Variants in TRIM16 observed in about 807,000 individuals in gnomAD.
TRIM16 encodes the protein tripartite motif-containing protein 16.
A neutral mutation model predicts 50.4 loss-of-function variants in TRIM16; 33 were observed. That is an observed-to-expected ratio of 0.65 (90% CI 0.50 to 0.88). TRIM16 has a LOEUF of 0.88. TRIM16 is among the 40% of genes least tolerant of loss of function. The probability of loss-of-function intolerance (pLI) is 0.00; values close to 1 mark genes in which losing one functional copy is unlikely to be tolerated. For synonymous variants in TRIM16, 229 were observed against 270.7 expected (o/e 0.85, Z 1.51); for missense variants, 581 against 686.8 (o/e 0.85, Z 1.72).
chr17:15,636,630 CTT>C (rs869137177), intron 8 of TRIM16, among the ~76,000 whole-genome samples: 13 of 121,156 alleles, frequency 1.1e-4, no homozygotes, highest in Non-Finnish European at 1.6e-4. Flanking sequence ...AAGAATTTGG[CTT>C]TTTTTTTTTT....
chr17:15,638,889 G>C (rs1344665507), intron 8 of TRIM16, among the ~76,000 whole-genome samples: 3 of 145,424 alleles, frequency 2.1e-5, no homozygotes, highest in Non-Finnish European at 3.0e-5. Flanking sequence ...CCCTGGCTTA[G>C]GCCAGGGCTC....
At chr17:15,680,982 G>A (rs1334058791) in intron 3 of TRIM16, 29 bp from the exon 4 acceptor site, 12 of 1,425,936 alleles carry the variant, frequency 8.4e-6, no homozygotes, top group Non-Finnish European at 1.1e-5. Context: ...AAAGGAACCT[G>A]GTTTATCTTT....
At chr17:15,674,523 C>A (rs1332308541) in intron 6 of TRIM16, among the ~76,000 whole-genome samples, 1 of 152,098 alleles carries the variant, frequency 6.6e-6, no homozygotes, top group Admixed American at 6.6e-5. Flanking sequence ...TCCCCTCCCC[C>A]ACACTGCCCC....
At chr17:15,675,884 T>G (rs1317728613) in intron 6 of TRIM16, among the ~76,000 whole-genome samples, 1 of 150,348 alleles carries the variant, frequency 6.7e-6, no homozygotes, top group African/African-American at 2.4e-5. Flanking sequence ...TTGCAGATAC[T>G]TGAATGTTTG....
rs757565737 is a variant in TRIM16, at chr17:15,628,680, G to T, written c.1630C>A (p.Arg544=). 6.2e-7 allele frequency: 1 copy of T among 1,614,128 alleles called. No homozygotes were observed. The highest frequency in any genetic ancestry group is 1.3e-5 in the African/African-American group (1 of 75,024). The part of the protein sequence containing the change: ...FWLSKKENAI[R]IVDLGEEPEK... ...GGTTCCTCTCCCAGATCTACAATCC[G>T]GATGGCGTTTTCCTTCTTGGAAAGC... Residue 544 remains arginine (R), a synonymous_variant, in exon 12 of 12, where the codon CGG becomes AGG. Transcript: ENST00000649191.
At position 15,651,891 on chromosome 17, in the gene TRIM16, G is replaced by C. The variant is rs1987728840; in HGVS notation, c.-282C>G. 2 of 1,373,566 alleles carry C rather than the reference G, an allele frequency of 1.5e-6. No individual in the cohort carries two copies. The highest frequency in any genetic ancestry group is 1.5e-5 in the African/African-American group (1 of 68,480). 85.1% of individuals were successfully genotyped at this position (1,373,566 alleles called of 1,614,324 possible). Reference sequence around the variant, plus strand: ...CCAGCCCTGAAACTTCTATTCTTATGTGAATCATCTGAACCCCATAGGCTC... The same window carrying C: ...CCAGCCCTGAAACTTCTATTCTTATCTGAATCATCTGAACCCCATAGGCTC... On this transcript the variant is annotated 5_prime_UTR_variant, in exon 7 of 12. Coordinates refer to ENST00000649191, the MANE Select transcript of TRIM16 (RefSeq NM_001348119.1).
chr17:15,629,179 A>G lies in TRIM16; in HGVS notation c.1131T>C (p.Phe377=), dbSNP rs58898750. 20 of 1,611,538 alleles carry G rather than the reference A, an allele frequency of 1.2e-5. No individual in the cohort carries two copies. The highest frequency in any genetic ancestry group is 4.0e-5 in the African/African-American group (3 of 74,922). The stretch of plus-strand genomic sequence containing the variant: ...GATACTTGTGTGCTGTGTCCGGGTC[A>G]AACGTGATGTCATACGCATCTGAGG... The part of the protein sequence containing the change: ...QFLQYAYDIT[F]DPDTAHKYLR... Residue 377 remains phenylalanine (F), a synonymous_variant, in exon 12 of 12, where the codon TTT becomes TTC. Transcript: ENST00000649191.
chr17:15,635,562 C>T (rs1313303828), intron 9 of TRIM16, among the ~76,000 whole-genome samples: 1 of 132,194 alleles, frequency 7.6e-6, no homozygotes, highest in Non-Finnish European at 1.6e-5. Context: ...ACCAAGCAAA[C>T]CTCCATGCAG....
rs1989293493 is a variant in TRIM16, at chr17:15,684,289, C to A, written c.-992G>T. The A allele has an allele frequency of 6.6e-6, 1 of 152,224 alleles. No individual in the cohort carries two copies. The highest frequency in any genetic ancestry group is 1.5e-5 in the Non-Finnish European group (1 of 68,054). 9.4% of individuals were successfully genotyped at this position (152,224 alleles called of 1,614,324 possible). ...CACAGACTCGCCACGCGCGGAGATC[C>A]TCCAGAGAAAGGGGCCGGAAACGGA... On this transcript the variant is annotated 5_prime_UTR_variant, in exon 1 of 12. In the 5' UTR this introduces an upstream ATG that the reference lacks. Coordinates refer to ENST00000649191, the MANE Select transcript of TRIM16 (RefSeq NM_001348119.1).
chr17:15,638,292 GC>G (rs199649922), intron 8 of TRIM16, among the ~76,000 whole-genome samples: 2,029 of 144,710 alleles, frequency 0.014, 143 homozygotes, highest in African/African-American at 0.051. Context: ...GGTGTAGACA[GC>G]CGGGTGCGGT....
chr17:15,667,144 C>A (rs892296942), intron 6 of TRIM16, among the ~76,000 whole-genome samples: 7 of 152,168 alleles, frequency 4.6e-5, no homozygotes, highest in Non-Finnish European at 5.9e-5. Flanking sequence ...TTCACTGAGA[C>A]CCTTTCAGGG....
chr17:15,677,403 A>G (rs1988995620), intron 5 of TRIM16, 123 bp from the exon 6 acceptor site: 1 of 911,696 alleles, frequency 1.1e-6, no homozygotes, highest in Admixed American at 6.2e-5. Flanking sequence ...AAAAGCAATT[A>G]AATAATTTCT....
chr17:15,683,174 T>C lies in TRIM16; in HGVS notation c.-898-17A>G. The C allele has an allele frequency of 2.6e-6, 4 of 1,516,040 alleles. No individual in the cohort carries two copies. The highest frequency in any genetic ancestry group is 3.6e-6 in the Non-Finnish European group (4 of 1,122,372). The allele number at this position is 1,516,040 out of a possible 1,614,324, so 93.9% of individuals were successfully genotyped here. On this transcript the variant is annotated splice_polypyrimidine_tract_variant and intron_variant, in intron 1 of 11. Transcript: ENST00000649191. ...TACCAGAAACTGTGGTAAGAGGTTC[T>C]GGATTGAAGTTTTCCCCTTTTTCAT...
chr17:15,680,614 T>C (rs1334434743), intron 4 of TRIM16, among the ~76,000 whole-genome samples: 1 of 152,070 alleles, frequency 6.6e-6, no homozygotes, highest in East Asian at 1.9e-4. Context: ...TGGGCGAGGC[T>C]ACCAAGCCTC....
intron 7 of TRIM16, among the ~76,000 whole-genome samples, chr17:15,643,643 C>T (rs1987216753): frequency 6.6e-6 from 1 of 150,854 alleles, no homozygotes; most frequent in African/African-American, 2.5e-5. Flanking sequence ...CCATTGGTCA[C>T]TCATATTTGG....
chr17:15,666,048 C>A (rs1351742777), intron 6 of TRIM16, among the ~76,000 whole-genome samples: 1 of 152,130 alleles, frequency 6.6e-6, no homozygotes, highest in Non-Finnish European at 1.5e-5. Flanking sequence ...CATGTCCATA[C>A]CATCACCATT....
At chr17:15,678,784 T>G (rs1989053483) in intron 4 of TRIM16, among the ~76,000 whole-genome samples, 1 of 151,806 alleles carries the variant, frequency 6.6e-6, no homozygotes, top group Non-Finnish European at 1.5e-5. Context: ...GATATCATAA[T>G]AAAAAGTTCA....
intron 8 of TRIM16, among the ~76,000 whole-genome samples, chr17:15,637,385 G>A (rs1311418221): frequency 8.4e-6 from 1 of 118,830 alleles, no homozygotes; most frequent in Non-Finnish European, 1.8e-5. Context: ...CGCCCCGTCC[G>A]GGAGGGAGGT....
rs190081671 is a variant in TRIM16, at chr17:15,629,878, C to G, written c.1112-680G>C. Among the ~76,000 whole-genome samples the G allele has an allele frequency of 5.3e-4, 80 of 152,350 alleles. No individual in the cohort carries two copies. The East Asian group carries it at 0.012, about 24-fold the overall frequency. ...ACCCCCGACCTAAGCCACCACTCAT[C>G]TCACTCAGACTAGTTCAGCGGGTTT... is the stretch of plus-strand genomic sequence containing the variant. On this transcript the variant is annotated intron_variant, in intron 11 of 11. Transcript: ENST00000649191.
Sources: allele counts gnomAD v4.1 joint callset (sites outside exome capture counted in the v4.1 genomes callset), GRCh38; gene constraint gnomAD v4.1.1; transcripts MANE v1.5; gene names NCBI Gene and HGNC (gene_info 2026-07-23, HGNC 2026-07-21).